Variants in PAX2 observed in about 807,000 individuals in gnomAD.
The protein encoded by PAX2 is paired box 2.
Under a neutral mutation model 41.7 loss-of-function variants are expected in PAX2, and 9 were observed. The ratio of observed to expected loss-of-function variants is 0.22; its 90% CI spans 0.13 to 0.38. The LOEUF (loss-of-function observed/expected upper bound fraction) is 0.38, where lower values mean the gene tolerates loss of function less well. Among genes scored for constraint, PAX2 ranks in the 10% least tolerant of loss-of-function variants. PAX2 has a pLI of 1.00. For synonymous variants in PAX2, 221 were observed against 212.7 expected (o/e 1.04, Z -0.34); for missense variants, 418 against 531.6 (o/e 0.79, Z 2.10).
At chr10:100,805,558 G>A (rs761829704) in intron 5 of PAX2, among the ~76,000 whole-genome samples, 5 of 152,220 alleles carry the variant, frequency 3.3e-5, no homozygotes, top group East Asian at 1.9e-4. Context: ...GGGGAGGGCT[G>A]AGAACGCCTG....
At chr10:100,786,891 C>G in intron 5 of PAX2, 1 of 1,146,914 alleles carries the variant, frequency 8.7e-7, no homozygotes, top group Admixed American at 1.9e-5. Flanking sequence ...AATCTTCTGC[C>G]TGCCTGTCTT....
At position 100,829,451 on chromosome 10, in the gene PAX2, G is replaced by T; in HGVS notation, c.*1832G>T. ...GCCCCGGGCGGCCGAAGGCCGGGCC[G>T]CCCCGTCCCGCCCCGTAGTTGCTCT... is the stretch of plus-strand genomic sequence containing the variant. On this transcript the variant is annotated 3_prime_UTR_variant, in exon 10 of 10. Transcript: ENST00000355243. The T allele has an allele frequency of 9.7e-6, 2 of 206,560 alleles. No individual in the cohort carries two copies. The highest frequency in any genetic ancestry group is 1.9e-4 in the South Asian group (1 of 5,322). 12.8% of individuals were successfully genotyped at this position (206,560 alleles called of 1,614,324 possible). A position where few individuals can be genotyped will look rare whatever the true frequency, so the allele number is the denominator to read the frequency against.
At chr10:100,783,796 C>T (rs1338807496) in intron 5 of PAX2, among the ~76,000 whole-genome samples, 1 of 151,716 alleles carries the variant, frequency 6.6e-6, no homozygotes, top group African/African-American at 2.4e-5. Flanking sequence ...GCAGTGAAAG[C>T]CTTCAAAGCA....
rs543021517 is a variant in PAX2 at position 100,763,237 on chromosome 10, C to T, written c.410+12346C>T. ...AAACAGGTTAATGACTGTGGCAACTCCCAAACATCTGGATGGAAACCAAAA... is the reference window on the plus strand; with the variant it reads ...AAACAGGTTAATGACTGTGGCAACTTCCAAACATCTGGATGGAAACCAAAA... On this transcript the variant is annotated intron_variant, in intron 3 of 9. Transcript: ENST00000355243. 1.1e-4 allele frequency among the ~76,000 whole-genome samples: 17 copies of T among 152,288 alleles called. No individual in the cohort carries two copies. The South Asian group carries it at 3.1e-3, about 28-fold the overall frequency.
chr10:100,818,387 T>C (rs999615813), intron 7 of PAX2, among the ~76,000 whole-genome samples: 14 of 152,246 alleles, frequency 9.2e-5, no homozygotes, highest in African/African-American at 3.4e-4. Context: ...AACTCCCTGC[T>C]ACTTCACATG....
chr10:100,736,006 G>A (rs1375915700), intron 1 of PAX2, among the ~76,000 whole-genome samples: 1 of 152,214 alleles, frequency 6.6e-6, no homozygotes, highest in East Asian at 1.9e-4. Context: ...TCTGTTGTGT[G>A]TTGAGGACTT....
chr10:100,806,697 C>G (rs140903670), intron 6 of PAX2, 92 bp downstream of exon 6: 1 of 1,066,152 alleles, frequency 9.4e-7, no homozygotes, highest in African/African-American at 1.5e-5. Flanking sequence ...ACATGCATAG[C>G]CAGCATTGTA....
intron 5 of PAX2, among the ~76,000 whole-genome samples, chr10:100,804,980 T>A (rs1273488550): frequency 6.8e-6 from 1 of 146,788 alleles, no homozygotes; most frequent in African/African-American, 2.5e-5. Flanking sequence ...TCTCTCCTTC[T>A]CTCTCTCTCT....
At chr10:100,779,004 G>A (rs1207372473) in intron 3 of PAX2, among the ~76,000 whole-genome samples, 2 of 152,162 alleles carry the variant, frequency 1.3e-5, no homozygotes, top group Non-Finnish European at 2.9e-5. Flanking sequence ...ATTCTTTCAG[G>A]ATATGGGGAA....
chr10:100,770,080 C>T (rs75661212), intron 3 of PAX2, among the ~76,000 whole-genome samples: 4,562 of 152,234 alleles, frequency 0.03, 97 homozygotes, highest in Middle Eastern at 0.095. Context: ...GAAAGACTGA[C>T]GGACTGTTTT....
chr10:100,795,542 C>T (rs1043113784), intron 5 of PAX2, among the ~76,000 whole-genome samples: 1 of 152,210 alleles, frequency 6.6e-6, no homozygotes, highest in African/African-American at 2.4e-5. Context: ...CGTGCAAGCT[C>T]TGGGATATCA....
chr10:100,808,825 C>T (rs886898988), intron 6 of PAX2, among the ~76,000 whole-genome samples: 2 of 152,150 alleles, frequency 1.3e-5, no homozygotes, highest in East Asian at 1.9e-4. Context: ...CTACACCCTA[C>T]CCGCAGGGGT....
At chr10:100,780,665 G>A (rs1264280824) in intron 4 of PAX2, among the ~76,000 whole-genome samples, 2 of 152,328 alleles carry the variant, frequency 1.3e-5, no homozygotes, top group African/African-American at 4.8e-5. Flanking sequence ...AGCTGAGAGA[G>A]AGAAATGCAC....
chr10:100,779,052 C>A (rs1282406847), intron 3 of PAX2, among the ~76,000 whole-genome samples: 1 of 152,130 alleles, frequency 6.6e-6, no homozygotes, highest in Non-Finnish European at 1.5e-5. Context: ...GTGACACAGT[C>A]CCAAGTAGGA....
chr10:100,767,001 A>C (rs1234257559), intron 3 of PAX2, among the ~76,000 whole-genome samples: 1 of 152,246 alleles, frequency 6.6e-6, no homozygotes, highest in Non-Finnish European at 1.5e-5. Flanking sequence ...TCAGTGTTAC[A>C]CAAAGTGCAG....
chr10:100,748,421 G>T lies in PAX2; in HGVS notation c.44-1325G>T. ...CCAGGGTTTCACCGAGCTTGCTCTA[G>T]GTACCCCCCGAGAAAGGGAGGGGAG... On this transcript the variant is annotated intron_variant, in intron 1 of 9. Transcript: ENST00000355243. The surrounding 1 kb of genome is among the most constrained non-coding windows in gnomAD (Gnocchi z 5.0). 2.0e-6 allele frequency: 2 copies of T among 985,130 alleles called. No individual in the cohort carries two copies. Among genetic ancestry groups the T allele is most frequent in the Non-Finnish European group, 2.4e-6 (2 of 829,856 alleles). The allele number at this position is 985,130 out of a possible 1,614,324, so 61.0% of individuals were successfully genotyped here.
chr10:100,741,180 A>G (rs1186175746), upstream of PAX2, among the ~76,000 whole-genome samples: 1 of 152,108 alleles, frequency 6.6e-6, no homozygotes, highest in Non-Finnish European at 1.5e-5. Flanking sequence ...CAACAGACCG[A>G]GCGGGCGGGG....
chr10:100,763,524 G>A (rs1269300257), intron 3 of PAX2, among the ~76,000 whole-genome samples: 3 of 152,220 alleles, frequency 2.0e-5, no homozygotes, highest in Non-Finnish European at 4.4e-5. Flanking sequence ...GGTGGTTAGA[G>A]TAGTTAGTAT....
At chr10:100,739,786 C>T (rs1330256526) in intron 1 of PAX2, among the ~76,000 whole-genome samples, 1 of 152,216 alleles carries the variant, frequency 6.6e-6, no homozygotes, top group Non-Finnish European at 1.5e-5. Flanking sequence ...CCGTCTCCCT[C>T]GACCACAGCC....
Sources: gnomAD v4.1 joint callset for allele counts (sites outside exome capture counted in the v4.1 genomes callset) on GRCh38, gnomAD v4.1.1 for gene constraint, Gnocchi (gnomAD v3.1) non-coding constraint, MANE v1.5 for transcripts, NCBI Gene and HGNC (gene_info 2026-07-23, HGNC 2026-07-21) for gene names.